The following SPMIP6 variants were observed in gnomAD, a reference collection of about 807,000 sequenced individuals.
SPMIP6 encodes the protein ciliated bronchial epithelial protein 1.
At chr9:34,380,649 G>A in the SPMIP6 span, 1 of 1,530,374 alleles carries the variant, frequency 6.5e-7, no homozygotes, top group African/African-American at 1.4e-5. Flanking sequence ...GGTTGACCTT[G>A]AGCCCAGTTT....
chr9:34,393,977 A>G, the SPMIP6 span, among the ~76,000 whole-genome samples: 4 of 151,054 alleles, frequency 2.6e-5, no homozygotes, highest in African/African-American at 9.7e-5. Context: ...TGCTTATTTT[A>G]ATGATTTCGT....
At chr9:34,397,563 G>T in the SPMIP6 span, 1 of 1,613,868 alleles carries the variant, frequency 6.2e-7, no homozygotes, top group South Asian at 1.1e-5. Flanking sequence ...CTCCTTGATG[G>T]AGGTGGGAGC....
the SPMIP6 span, chr9:34,389,954 C>T: frequency 4.0e-4 from 55 of 137,548 alleles, no homozygotes; most frequent in Admixed American, 3.5e-3. Context: ...TAAGACTAGT[C>T]CAACACACTA....
At chr9:34,381,423 C>T in the SPMIP6 span, 1 of 1,614,092 alleles carries the variant, frequency 6.2e-7, no homozygotes, top group Non-Finnish European at 8.5e-7. The surrounding 1 kb of genome is among the most constrained non-coding windows in gnomAD (Gnocchi z 4.4). Context: ...ATTCCTCGAA[C>T]TGCTGTCTCC....
At chr9:34,381,354 A>G in the SPMIP6 span, 2 of 1,612,010 alleles carry the variant, frequency 1.2e-6, no homozygotes, top group African/African-American at 1.3e-5. This position sits in a 1 kb window ranked among gnomAD's most constrained non-coding sequence, Gnocchi z 4.4. Context: ...CCAACGCCCC[A>G]CTACCACTCT....
the SPMIP6 span, among the ~76,000 whole-genome samples, chr9:34,384,040 A>G: frequency 6.6e-6 from 1 of 152,244 alleles, no homozygotes; most frequent in Non-Finnish European, 1.5e-5. Context: ...CCATGATCCA[A>G]CAGTCTGAAA....
At chr9:34,396,938 T>TAG in the SPMIP6 span, among the ~76,000 whole-genome samples, 1 of 152,142 alleles carries the variant, frequency 6.6e-6, no homozygotes, top group Admixed American at 6.6e-5. Flanking sequence ...GAGTCACAGT[T>TAG]AGACTCACAG....
At chr9:34,381,742 G>C in the SPMIP6 span, 1 of 1,303,242 alleles carries the variant, frequency 7.7e-7, no homozygotes, top group Admixed American at 3.1e-5. This position sits in a 1 kb window ranked among gnomAD's most constrained non-coding sequence, Gnocchi z 4.4. Context: ...AGCTGACTCT[G>C]TTTAGCTGTG....
At chr9:34,393,378 C>T in the SPMIP6 span, among the ~76,000 whole-genome samples, 1 of 152,162 alleles carries the variant, frequency 6.6e-6, no homozygotes, top group African/African-American at 2.4e-5. Context: ...TTTCCTTCTC[C>T]CCAGAGTATA....
the SPMIP6 span, chr9:34,397,468 G>A: frequency 2.5e-6 from 4 of 1,613,182 alleles, no homozygotes; most frequent in Non-Finnish European, 3.4e-6. Flanking sequence ...ATACACTCTG[G>A]CCTGCCCCTC....
At chr9:34,393,139 A>T in the SPMIP6 span, among the ~76,000 whole-genome samples, 2 of 152,224 alleles carry the variant, frequency 1.3e-5, no homozygotes, top group African/African-American at 4.8e-5. Flanking sequence ...GACAGTACAA[A>T]ACTATGTCTT....
the SPMIP6 span, among the ~76,000 whole-genome samples, chr9:34,396,318 A>T: frequency 6.6e-6 from 1 of 152,132 alleles, no homozygotes; most frequent in Non-Finnish European, 1.5e-5. Flanking sequence ...AGACAAAATA[A>T]ATTATTTTAA....
the SPMIP6 span, chr9:34,385,746 G>A: frequency 1.5e-5 from 25 of 1,613,630 alleles, no homozygotes; most frequent in South Asian, 7.7e-5. Flanking sequence ...GCAGGGCTTC[G>A]GGATCCACAT....
At chr9:34,391,776 T>C in the SPMIP6 span, among the ~76,000 whole-genome samples, 111,305 of 152,024 alleles carry the variant, frequency 0.73, 41,869 homozygotes, top group Non-Finnish European at 0.84. Context: ...GTTTTATGAC[T>C]TAGTACTTGG....
chr9:34,381,803 G>A, the SPMIP6 span: 2 of 980,282 alleles, frequency 2.0e-6, no homozygotes, highest in East Asian at 2.3e-4. This position sits in a 1 kb window ranked among gnomAD's most constrained non-coding sequence, Gnocchi z 4.4. Context: ...TCATTCCGGA[G>A]AACTTGTGAA....
the SPMIP6 span, chr9:34,390,020 CAATT>C: frequency 2.7e-5 from 4 of 150,842 alleles, no homozygotes; most frequent in Non-Finnish European, 4.4e-5. Flanking sequence ...TGTGAACAAT[CAATT>C]GAGATAACTC....
chr9:34,384,298 C>T, the SPMIP6 span, among the ~76,000 whole-genome samples: 3 of 152,084 alleles, frequency 2.0e-5, no homozygotes, highest in South Asian at 4.2e-4. Flanking sequence ...AATCAAATGG[C>T]CTTGGAGGAG....
At chr9:34,397,448 C>T in the SPMIP6 span, 1 of 1,586,856 alleles carries the variant, frequency 6.3e-7, no homozygotes, top group Non-Finnish European at 8.7e-7. Context: ...GCCAGGCATC[C>T]AGACTGGCCA....
the SPMIP6 span, chr9:34,382,760 C>T: frequency 6.2e-7 from 1 of 1,612,868 alleles, no homozygotes; most frequent in Non-Finnish European, 8.5e-7. Flanking sequence ...ATACCTTAGG[C>T]AGCCGAGGAA....
Sources: gnomAD v4.1 joint callset for allele counts (sites outside exome capture counted in the v4.1 genomes callset) on GRCh38, gnomAD v4.1.1 for gene constraint, Gnocchi (gnomAD v3.1) non-coding constraint, MANE v1.5 for transcripts, NCBI Gene and HGNC (gene_info 2026-07-23, HGNC 2026-07-21) for gene names.